The following ME1 variants were observed in gnomAD, a reference collection of about 807,000 sequenced individuals.
ME1 encodes malic enzyme 1.
Under a neutral mutation model 66.4 loss-of-function variants are expected in ME1, and 74 were observed. That is an observed-to-expected ratio of 1.11 (90% CI 0.92 to 1.35). The LOEUF (loss-of-function observed/expected upper bound fraction) is 1.35, where lower values mean the gene tolerates loss of function less well. Ranked by LOEUF, ME1 falls within the 40% of genes most tolerant of loss-of-function variation. The pLI is 0.00. For synonymous variants in ME1, 251 were observed against 235.6 expected, an observed-to-expected ratio of 1.07 and a Z score of -0.60; for missense variants, 750 against 694.1, an observed-to-expected ratio of 1.08 and a Z score of -0.90.
chr6:83,344,533 T>G (rs1228143574), intron 5 of ME1, among the ~76,000 whole-genome samples: 4 of 149,224 alleles, frequency 2.7e-5, no homozygotes, highest in Non-Finnish European at 5.9e-5. Context: ...CAGTGAGCCA[T>G]GATCATGACA....
intron 5 of ME1, among the ~76,000 whole-genome samples, chr6:83,316,309 T>C (rs1024995409): frequency 3.9e-5 from 6 of 152,188 alleles, no homozygotes; most frequent in Non-Finnish European, 8.8e-5. Context: ...TTGGTATATA[T>C]AATATGTAAT....
At chr6:83,396,374 G>A (rs1157323934) in intron 3 of ME1, among the ~76,000 whole-genome samples, 1 of 151,888 alleles carries the variant, frequency 6.6e-6, no homozygotes, top group Non-Finnish European at 1.5e-5. Context: ...TAATAATAAT[G>A]ATAGCCACCA....
rs149760142 is a variant in ME1, at chr6:83,250,649, A to G, written c.814+2980T>C. ...AACTTCACTGGCACTTTCTTAGAGC[A>G]AGATGCCACCATCATAGATTTCAGC... is the stretch of plus-strand genomic sequence containing the variant. On this transcript the variant is annotated intron_variant, in intron 7 of 13. Transcript: ENST00000369705. 5.3e-3 allele frequency among the ~76,000 whole-genome samples: 812 copies of G among 152,324 alleles called. 16 individuals are homozygous for G. Among genetic ancestry groups the G allele is most frequent in the East Asian group, 0.018 (91 of 5,176 alleles).
chr6:83,300,890 T>C (rs1251938080), intron 6 of ME1, among the ~76,000 whole-genome samples: 4 of 152,186 alleles, frequency 2.6e-5, no homozygotes, highest in Non-Finnish European at 5.9e-5. Context: ...GTTCACGTCC[T>C]TTGTAGAGAC....
chr6:83,397,336 A>C (rs553539108), intron 3 of ME1, among the ~76,000 whole-genome samples: 4 of 152,326 alleles, frequency 2.6e-5, no homozygotes. Flanking sequence ...CACAGTTCTC[A>C]AAAGAGGACA....
chr6:83,244,011 G>GT (rs1036522986), intron 7 of ME1, among the ~76,000 whole-genome samples: 6 of 150,540 alleles, frequency 4.0e-5, no homozygotes, highest in African/African-American at 1.5e-4. Context: ...TCTGGAAAGG[G>GT]TCATTGGAGT....
chr6:83,393,441 C>T (rs1360719716), intron 3 of ME1: 23 of 587,770 alleles, frequency 3.9e-5, no homozygotes, highest in South Asian at 1.6e-4. Context: ...AGCGACAGCA[C>T]GACGGGAAGA....
chr6:83,224,143 C>G (rs1051803318), intron 11 of ME1, among the ~76,000 whole-genome samples: 1 of 152,132 alleles, frequency 6.6e-6, no homozygotes, highest in Non-Finnish European at 1.5e-5. Flanking sequence ...CTGTCTTACT[C>G]TTTACTTCCA....
rs1288876658 is a variant in ME1 at position 83,298,953 on chromosome 6, T to G, written c.704+16357A>C. 9.8e-4 allele frequency among the ~76,000 whole-genome samples: 131 copies of G among 134,176 alleles called. 1 individual carries two copies. Among genetic ancestry groups the G allele is most frequent in the African/African-American group, 3.5e-3 (126 of 35,706 alleles). 88.0% of individuals were successfully genotyped at this position (134,176 alleles called of 152,430 possible). A position where few individuals can be genotyped will look rare whatever the true frequency, so the allele number is the denominator to read the frequency against. ...TCTGTTTTTTTTTTTTTTTTTTTTTTTTTTTTTTTTTTTTTTTTACCAGTA... is the reference window on the plus strand; with the variant it reads ...TCTGTTTTTTTTTTTTTTTTTTTTTGTTTTTTTTTTTTTTTTTTACCAGTA... On this transcript the variant is annotated intron_variant, in intron 6 of 13. Transcript: ENST00000369705.
At chr6:83,409,825 G>A (rs1583422668) in intron 1 of ME1, among the ~76,000 whole-genome samples, 1 of 152,192 alleles carries the variant, frequency 6.6e-6, no homozygotes. Context: ...TTTTTCATTA[G>A]CAGCCATTCT....
intron 6 of ME1, among the ~76,000 whole-genome samples, chr6:83,291,280 G>C (rs1767498037): frequency 6.6e-6 from 1 of 152,154 alleles, no homozygotes; most frequent in Non-Finnish European, 1.5e-5. Flanking sequence ...TCCATGTTTA[G>C]TGCTTCCTTC....
intron 2 of ME1, among the ~76,000 whole-genome samples, chr6:83,401,090 T>C (rs2128551030): frequency 6.6e-6 from 1 of 152,306 alleles, no homozygotes; most frequent in East Asian, 1.9e-4. Flanking sequence ...CTACCTTTAT[T>C]TCCCCCATCC....
chr6:83,344,621 C>T (rs912963907), intron 5 of ME1, among the ~76,000 whole-genome samples: 5 of 152,012 alleles, frequency 3.3e-5, no homozygotes, highest in Non-Finnish European at 4.4e-5. Context: ...CGGTGGCTCA[C>T]GCCGGTAATC....
intron 6 of ME1, among the ~76,000 whole-genome samples, chr6:83,279,361 T>C (rs1400808130): frequency 2.0e-5 from 3 of 152,200 alleles, no homozygotes; most frequent in Non-Finnish European, 4.4e-5. Flanking sequence ...GATTCAGATA[T>C]AGTGGAAATT....
chr6:83,361,164 A>G (rs1486461558), intron 3 of ME1, among the ~76,000 whole-genome samples: 2 of 152,252 alleles, frequency 1.3e-5, no homozygotes, highest in Non-Finnish European at 1.5e-5. Flanking sequence ...CACCGAATGT[A>G]TTGGTGAGAC....
chr6:83,387,448 T>C (rs530695460), intron 3 of ME1, among the ~76,000 whole-genome samples: 4 of 152,242 alleles, frequency 2.6e-5, no homozygotes, highest in South Asian at 4.2e-4. Context: ...ACCCTCATCA[T>C]ATAAGACAAC....
intron 5 of ME1, among the ~76,000 whole-genome samples, chr6:83,331,338 C>A (rs151179308): frequency 0.027 from 4,141 of 152,022 alleles, 196 homozygotes; most frequent in African/African-American, 0.092. Flanking sequence ...GTCTGTAATC[C>A]CAGCACTTTG....
At chr6:83,377,307 A>G (rs533503747) in intron 3 of ME1, among the ~76,000 whole-genome samples, 2 of 152,308 alleles carry the variant, frequency 1.3e-5, no homozygotes, top group East Asian at 1.9e-4. Context: ...TGGCACATCA[A>G]TTAAAAATAA....
chr6:83,242,673 T>A (rs966414192), intron 7 of ME1, among the ~76,000 whole-genome samples: 4 of 151,534 alleles, frequency 2.6e-5, no homozygotes, highest in Non-Finnish European at 5.9e-5. Context: ...CCCAACAAAC[T>A]CTACTAAAAC....
Sources: gnomAD v4.1 joint callset for allele counts (sites outside exome capture counted in the v4.1 genomes callset) on GRCh38, gnomAD v4.1.1 for gene constraint, MANE v1.5 for transcripts, NCBI Gene and HGNC (gene_info 2026-07-23, HGNC 2026-07-21) for gene names.